Variants in TAFA2 observed in about 807,000 individuals in gnomAD.
TAFA2 encodes the protein TAFA chemokine like family member 2.
Under a neutral mutation model 18.8 loss-of-function variants are expected in TAFA2, and 7 were observed. The observed-to-expected ratio is 0.37, with a 90% CI of 0.21 to 0.70. TAFA2 has a LOEUF of 0.70. TAFA2 is among the 30% of genes least tolerant of loss of function. TAFA2 has a pLI of 0.53. For synonymous variants in TAFA2, 60 were observed against 54.2 expected, an observed-to-expected ratio of 1.11 and a Z score of -0.47; for missense variants, 122 against 158.1, an observed-to-expected ratio of 0.77 and a Z score of 1.23.
At chr12:62,259,087 C>T (rs1200581104), upstream of TAFA2, 1 of 153,708 alleles carries the variant, frequency 6.5e-6, no homozygotes, top group Admixed American at 6.5e-5. Flanking sequence ...GGATTCAGCA[C>T]TTCCTACTAG....
At chr12:62,259,840 C>A (rs1393877284), upstream of TAFA2, 1 of 154,244 alleles carries the variant, frequency 6.5e-6, no homozygotes, top group Non-Finnish European at 1.4e-5. Context: ...GGAAGGAACC[C>A]AGGAAGGGCA....
intron 1 of TAFA2, among the ~76,000 whole-genome samples, chr12:61,989,998 T>C (rs981483679): frequency 1.3e-5 from 2 of 152,154 alleles, no homozygotes; most frequent in Admixed American, 6.5e-5. Flanking sequence ...TAATTGAATA[T>C]TGACCCAAAG....
At chr12:61,952,898 T>A (rs562744567) in intron 1 of TAFA2, among the ~76,000 whole-genome samples, 46 of 152,112 alleles carry the variant, frequency 3.0e-4, no homozygotes, top group Non-Finnish European at 5.1e-4. Flanking sequence ...GATCAAGTTT[T>A]TTAGATCATT....
At chr12:61,843,166 A>T (rs1057226313) in intron 2 of TAFA2, among the ~76,000 whole-genome samples, 3 of 152,056 alleles carry the variant, frequency 2.0e-5, no homozygotes, top group African/African-American at 7.2e-5. Flanking sequence ...GCATATGGGG[A>T]AAAAGAGGGC....
At chr12:61,713,288 G>A (rs973667478) in intron 4 of TAFA2, among the ~76,000 whole-genome samples, 14 of 152,090 alleles carry the variant, frequency 9.2e-5, no homozygotes, top group Non-Finnish European at 1.6e-4. Context: ...CCTCACTTCC[G>A]TTTTCTCTAT....
intron 1 of TAFA2, among the ~76,000 whole-genome samples, chr12:62,052,364 TTTG>T (rs1332203784): frequency 6.6e-6 from 1 of 152,054 alleles, no homozygotes; most frequent in African/African-American, 2.4e-5. Flanking sequence ...ATCTAATTTT[TTTG>T]TTGTTGTACA....
chr12:62,087,836 G>A (rs940610157), intron 1 of TAFA2, among the ~76,000 whole-genome samples: 3 of 152,106 alleles, frequency 2.0e-5, no homozygotes, highest in African/African-American at 4.8e-5. Flanking sequence ...AGTAGGGACG[G>A]TGGTGGCTTG....
intron 4 of TAFA2, among the ~76,000 whole-genome samples, chr12:61,713,437 C>T (rs1869506353): frequency 6.6e-6 from 1 of 152,010 alleles, no homozygotes; most frequent in South Asian, 2.1e-4. Flanking sequence ...TTTCTTTGAA[C>T]AATACTAACA....
intron 1 of TAFA2, among the ~76,000 whole-genome samples, chr12:61,910,900 G>T (rs2121342444): frequency 1.3e-5 from 2 of 152,230 alleles, no homozygotes; most frequent in South Asian, 4.1e-4. Flanking sequence ...CCAATGATTT[G>T]GACAACTCTA....
intron 1 of TAFA2, among the ~76,000 whole-genome samples, chr12:61,974,469 T>C (rs1486914348): frequency 6.6e-6 from 1 of 151,840 alleles, no homozygotes; most frequent in Non-Finnish European, 1.5e-5. Flanking sequence ...TGAATTAAGA[T>C]GATTTGATGC....
At position 62,124,069 on chromosome 12, in the gene TAFA2, G is replaced by A. The variant is rs1250738886; in HGVS notation, c.-2+67190C>T. 2.0e-5 allele frequency among the ~76,000 whole-genome samples: 3 copies of A among 152,236 alleles called. No individual in the cohort carries two copies. In the East Asian group the frequency reaches 5.8e-4, roughly 29 times the overall value. On this transcript the variant is annotated intron_variant, in intron 1 of 4. Coordinates refer to ENST00000416284, the MANE Select transcript of TAFA2 (RefSeq NM_178539.5). ...TAGTAACAATAACTCAAGACAAGTG[G>A]TTTTTAAACCACTGCGAATCAGTAT...
intron 1 of TAFA2, among the ~76,000 whole-genome samples, chr12:62,142,559 C>T (rs113570087): frequency 2.0e-5 from 3 of 152,066 alleles, no homozygotes; most frequent in Non-Finnish European, 4.4e-5. Context: ...GCATGACTAC[C>T]CAATATTGGC....
At chr12:62,074,560 A>G (rs1264279806) in intron 1 of TAFA2, among the ~76,000 whole-genome samples, 1 of 152,172 alleles carries the variant, frequency 6.6e-6, no homozygotes, top group Non-Finnish European at 1.5e-5. Flanking sequence ...ATGCCATAAA[A>G]TTAAGAAAGT....
At chr12:61,877,173 A>G (rs996348626) in intron 1 of TAFA2, among the ~76,000 whole-genome samples, 26 of 152,224 alleles carry the variant, frequency 1.7e-4, no homozygotes, top group Non-Finnish European at 3.7e-4. Flanking sequence ...GTAAGCCTCT[A>G]TAACATATTG....
At chr12:61,746,268 G>T (rs1868704998) in intron 4 of TAFA2, among the ~76,000 whole-genome samples, 1 of 152,076 alleles carries the variant, frequency 6.6e-6, no homozygotes, top group South Asian at 2.1e-4. Flanking sequence ...TGTGAAGAAG[G>T]TACCTGCTTT....
At chr12:62,055,739 T>A (rs1882172046) in intron 1 of TAFA2, among the ~76,000 whole-genome samples, 1 of 152,160 alleles carries the variant, frequency 6.6e-6, no homozygotes, top group Admixed American at 6.5e-5. Flanking sequence ...GCTCACAACT[T>A]GCAATTTTTT....
intron 2 of TAFA2, among the ~76,000 whole-genome samples, chr12:61,770,940 G>A (rs1765446322): frequency 6.6e-6 from 1 of 151,924 alleles, no homozygotes; most frequent in Non-Finnish European, 1.5e-5. Flanking sequence ...CCACTTAAAG[G>A]ATGCAGAATG....
At chr12:62,153,785 G>A (rs2062346750) in intron 1 of TAFA2, among the ~76,000 whole-genome samples, 1 of 152,126 alleles carries the variant, frequency 6.6e-6, no homozygotes, top group Non-Finnish European at 1.5e-5. Context: ...TGACACTTAG[G>A]TGCTGTGTGC....
chr12:61,761,776 C>A (rs1869556902), intron 2 of TAFA2, among the ~76,000 whole-genome samples: 1 of 151,992 alleles, frequency 6.6e-6, no homozygotes, highest in African/African-American at 2.4e-5. Context: ...AAATCATGAT[C>A]TTGACCATTA....
Sources: gnomAD v4.1 joint callset for allele counts (sites outside exome capture counted in the v4.1 genomes callset) on GRCh38, gnomAD v4.1.1 for gene constraint, MANE v1.5 for transcripts, NCBI Gene and HGNC (gene_info 2026-07-23, HGNC 2026-07-21) for gene names.